Variants in PDLIM7 observed in about 807,000 individuals in gnomAD.
PDLIM7 encodes PDZ and LIM domain protein 7.
PDLIM7 carries 37 observed loss-of-function variants against 53.9 expected under a neutral mutation model. The observed-to-expected ratio is 0.69, with a 90% CI of 0.53 to 0.90. The LOEUF (loss-of-function observed/expected upper bound fraction) is 0.90. PDLIM7 is among the 40% of genes least tolerant of loss of function. The pLI is 0.00. For synonymous variants in PDLIM7, 300 were observed against 261.3 expected, an observed-to-expected ratio of 1.15 and a Z score of -1.43; for missense variants, 617 against 638.5, an observed-to-expected ratio of 0.97 and a Z score of 0.36.
chr5:177,485,307 G>C (rs1286338526), intron 10 of PDLIM7, among the ~76,000 whole-genome samples: 1 of 152,220 alleles, frequency 6.6e-6, no homozygotes, highest in Non-Finnish European at 1.5e-5. Context: ...AGGCACAAGG[G>C]GCTGAGCTCT....
At chr5:177,485,620 C>G (rs1332301592) in intron 10 of PDLIM7, among the ~76,000 whole-genome samples, 1 of 152,212 alleles carries the variant, frequency 6.6e-6, no homozygotes, top group Non-Finnish European at 1.5e-5. Flanking sequence ...GGAGGAGGAC[C>G]TCTTCTTCTG....
chr5:177,494,180 C>T (rs1758945924), intron 2 of PDLIM7, among the ~76,000 whole-genome samples: 1 of 152,204 alleles, frequency 6.6e-6, no homozygotes, highest in Admixed American at 6.5e-5. Context: ...TTTGCACTTG[C>T]AAATGTACAC....
chr5:177,483,612 G>A lies in PDLIM7; in HGVS notation c.*32C>T. ...CACGACTCCAGGCCCCTCAGGCTAG[G>A]GGCCACCGCGGCAGCTGTGGGCAGA... On this transcript the variant is annotated 3_prime_UTR_variant, in exon 13 of 13. Transcript: ENST00000355841. 6.6e-7 allele frequency: 1 copy of A among 1,513,896 alleles called. No individual in the cohort carries two copies. The highest frequency in any genetic ancestry group is 9.2e-7 in the Non-Finnish European group (1 of 1,092,200). 93.8% of individuals were successfully genotyped at this position (1,513,896 alleles called of 1,614,324 possible).
At chr5:177,492,821 T>C (rs1758874366) in intron 2 of PDLIM7, 144 bp from the exon 3 acceptor site, 1 of 880,854 alleles carries the variant, frequency 1.1e-6, no homozygotes, top group Non-Finnish European at 1.7e-6. Flanking sequence ...AGGCAGCTGC[T>C]GGACACTAAA....
At chr5:177,487,931 G>A in intron 10 of PDLIM7, 137 bp downstream of exon 10, 1 of 750,084 alleles carries the variant, frequency 1.3e-6, no homozygotes, top group East Asian at 2.8e-5. Context: ...GGTGAGGCCA[G>A]TACAGCAGCC....
rs550416079 is a variant in PDLIM7 at position 177,492,658 on chromosome 5, G to C, written c.116C>G (p.Ala39Gly). 6.2e-7 allele frequency: 1 copy of C among 1,606,164 alleles called. No individual in the cohort carries two copies. The highest frequency in any genetic ancestry group is 1.3e-5 in the African/African-American group (1 of 75,044). Residue 39 changes from alanine to glycine, a missense_variant, in exon 3 of 13, where the codon GCG (alanine) becomes GGG (glycine). Coordinates refer to ENST00000355841, the MANE Select transcript of PDLIM7 (RefSeq NM_005451.5). ...SISRLTPGGKAAQAGVAVGDW... is the reference protein window; with the variant it reads ...SISRLTPGGKGAQAGVAVGDW... ...ACCCACGGCCACTCCGGCCTGCGCC[G>C]CTTTGCCCCCAGGAGTGAGCTGTGG...
intron 10 of PDLIM7, among the ~76,000 whole-genome samples, chr5:177,486,745 T>G (rs1023343140): frequency 6.6e-6 from 1 of 151,978 alleles, no homozygotes; most frequent in South Asian, 2.1e-4. Flanking sequence ...TTCACGCCAT[T>G]CTCCTGCCTC....
chr5:177,492,981 CCA>C (rs776244521), intron 2 of PDLIM7: 36 of 411,716 alleles, frequency 8.7e-5, no homozygotes, highest in Non-Finnish European at 4.9e-5. Context: ...CCACCCTCCC[CCA>C]CAGTCCAGAA....
intron 2 of PDLIM7, among the ~76,000 whole-genome samples, chr5:177,494,310 G>A (rs77407225): frequency 0.076 from 11,533 of 152,260 alleles, 867 homozygotes; most frequent in East Asian, 0.32. Context: ...GGGCCCAACT[G>A]AGGGGTCAGC....
intron 2 of PDLIM7, chr5:177,492,898 A>G: frequency 1.8e-6 from 1 of 566,158 alleles, no homozygotes; most frequent in Non-Finnish European, 3.2e-6. Context: ...TTATTTATTC[A>G]CTGCCAGACC....
intron 10 of PDLIM7, chr5:177,484,457 T>C (rs1758338118): frequency 6.8e-6 from 3 of 443,570 alleles, no homozygotes; most frequent in African/African-American, 4.0e-5. Context: ...ATCACGCGGA[T>C]GGCAACTCCA....
Position 177,489,828 on chromosome 5 carries a change from C to T in PDLIM7, c.577G>A (p.Val193Met), listed in dbSNP as rs1265929071. 31 of 1,586,058 alleles carry T rather than the reference C, an allele frequency of 2.0e-5. No individual in the cohort carries two copies. The highest frequency in any genetic ancestry group is 2.7e-5 in the Non-Finnish European group (31 of 1,167,830). Residue 193 changes from valine (V) to methionine (M), a missense_variant, in exon 8 of 13, where the codon GTG (valine) becomes ATG (methionine). Transcript: ENST00000355841. ...DEEHLKKSSQ[V>M]PRTEAPAPAS... ...GGGGCTGGGGCTTCTGTCCTGGGCA[C>T]CTGGCTGCAAGATCTGCCATTCAAG...
chr5:177,486,082 C>T (rs1472246303), intron 10 of PDLIM7, among the ~76,000 whole-genome samples: 6 of 151,682 alleles, frequency 4.0e-5, no homozygotes, highest in Admixed American at 1.3e-4. Context: ...GGCTAATTTT[C>T]TAATTTTTTT....
chr5:177,497,174 G>C (rs28709214), intron 1 of PDLIM7, among the ~76,000 whole-genome samples: 420 of 152,082 alleles, frequency 2.8e-3, no homozygotes, highest in African/African-American at 9.7e-3. Flanking sequence ...GAGACAGATG[G>C]GGGCTGGGAC....
intron 2 of PDLIM7, 26 bp from the exon 3 acceptor site, chr5:177,492,703 G>A (rs370432310): frequency 2.8e-5 from 45 of 1,594,408 alleles, no homozygotes; most frequent in South Asian, 1.1e-4. Context: ...CAAAGTGACC[G>A]AGGCCCTGGA....
At chr5:177,490,604 G>C in intron 7 of PDLIM7, 3 of 1,525,562 alleles carry the variant, frequency 2.0e-6, no homozygotes, top group Non-Finnish European at 2.7e-6. Flanking sequence ...CTGAGGGGCA[G>C]AGAGAGAGGG....
chr5:177,483,830 T>C (rs779691651), intron 12 of PDLIM7, 37 bp downstream of exon 12: 10 of 1,600,530 alleles, frequency 6.2e-6, no homozygotes, highest in African/African-American at 2.7e-5. Flanking sequence ...AGAGGGCCGG[T>C]GGGCTTGGGG....
At chr5:177,494,430 C>G (rs1015383174) in intron 2 of PDLIM7, among the ~76,000 whole-genome samples, 6 of 152,168 alleles carry the variant, frequency 3.9e-5, no homozygotes, top group Non-Finnish European at 2.9e-5. Context: ...GTGACTTACT[C>G]AAGGTCATGG....
chr5:177,491,142 G>A lies in PDLIM7; in HGVS notation c.403C>T (p.Pro135Ser). ...GCATCTGGGACCAGCGGTCGGAGCG[G>A]CTGTCTGTGGGGAGGGTGTGGCTCA... ...ADSAPQQNGQ[P>S]LRPLVPDASK... Residue 135 changes from proline to serine, a missense_variant, in exon 6 of 13, where the codon CCG (proline) becomes TCG (serine). Pro to Ser is a moderately conservative substitution (Grantham distance 74). Transcript: ENST00000355841. The A allele has an allele frequency of 1.2e-6, 2 of 1,606,446 alleles. No homozygotes were observed. Among genetic ancestry groups the A allele is most frequent in the South Asian group, 2.2e-5 (2 of 90,042 alleles).
Sources: allele counts gnomAD v4.1 joint callset (sites outside exome capture counted in the v4.1 genomes callset), GRCh38; gene constraint gnomAD v4.1.1; transcripts MANE v1.5; gene names NCBI Gene and HGNC (gene_info 2026-07-23, HGNC 2026-07-21).